CREM: variants seen among roughly 807,000 people sequenced by gnomAD.
The protein encoded by CREM is cAMP responsive element modulator.
CREM carries 13 observed loss-of-function variants against 37.3 expected under a neutral mutation model. That is an observed-to-expected ratio of 0.35 (90% CI 0.23 to 0.55). The LOEUF is 0.55. Ranked by LOEUF, CREM falls within the 20% of genes least tolerant of loss-of-function variation. The pLI is 0.88. For synonymous variants in CREM, 124 were observed against 120.2 expected (o/e 1.03, Z -0.21); for missense variants, 296 against 362.3 (o/e 0.82, Z 1.49).
At chr10:35,132,938 C>T (rs1316887581) in intron 1 of CREM, among the ~76,000 whole-genome samples, 1 of 152,206 alleles carries the variant, frequency 6.6e-6, no homozygotes, top group Non-Finnish European at 1.5e-5. Context: ...TACAGTTAAC[C>T]TATGGATATC....
rs546051669 is a variant in CREM, at chr10:35,173,038, A to G, written c.169-5851A>G. Among the ~76,000 whole-genome samples the G allele has an allele frequency of 6.6e-5, 10 of 152,324 alleles. No individual in the cohort carries two copies. The South Asian group carries it at 2.1e-3, about 32-fold the overall frequency. On this transcript the variant is annotated intron_variant, in intron 3 of 7. Coordinates refer to ENST00000685392, the MANE Select transcript of CREM (RefSeq NM_183011.2). ...ATCAAACTGGTTATACTTTAATGAA[A>G]TGTGATTTATAATACTGTGTCATGA...
chr10:35,179,248 C>T lies in CREM; in HGVS notation c.381C>T (p.Ser127=). Residue 127 remains serine, a synonymous_variant, in exon 5 of 8, where the codon AGC becomes AGT. Transcript: ENST00000685392. ...PSIATMAVPT[S]IYQTSTGQYI... is the part of the protein sequence containing the mutation. ...TTGCTACCATGGCAGTACCAACTAG[C>T]ATATATCAGACTAGCACGGGGCAAT... The T allele has an allele frequency of 6.2e-7, 1 of 1,614,036 alleles. No homozygotes were observed. Among genetic ancestry groups the T allele is most frequent in the Non-Finnish European group, 8.5e-7 (1 of 1,179,956 alleles).
chr10:35,146,279 G>T (rs975068783), intron 2 of CREM, among the ~76,000 whole-genome samples: 3 of 152,152 alleles, frequency 2.0e-5, no homozygotes, highest in Non-Finnish European at 4.4e-5. Flanking sequence ...AAATACTCCT[G>T]CTAGGGCATG....
intron 5 of CREM, 31 bp downstream of exon 5, chr10:35,179,307 T>A (rs1341566013): frequency 6.2e-7 from 1 of 1,604,802 alleles, no homozygotes; most frequent in Admixed American, 1.7e-5. Context: ...TATGATACAG[T>A]GCTAGCTTTA....
At position 35,178,889 on chromosome 10, in the gene CREM, G is replaced by A. The variant is rs1421971580; in HGVS notation, c.169G>A (p.Val57Ile). ...GQNSIPALAQ[V>I]AAIAETDESA... ...CATTTCAGAAAATCTTGTATTATAG[G>A]TAGCAGCAATTGCAGAGACAGATGA... Residue 57 changes from valine to isoleucine, a missense_variant and splice_region_variant, in exon 4 of 8, where the codon GTA becomes ATA. Around this residue, in one of 2 missense-constraint regions of CREM, gnomAD observed 257 missense variants for 280.2 expected, o/e 0.92. Transcript: ENST00000685392. 7.5e-6 allele frequency: 12 copies of A among 1,605,722 alleles called. No homozygotes were observed. Among genetic ancestry groups the A allele is most frequent in the Admixed American group, 3.4e-5 (2 of 58,456 alleles).
At chr10:35,149,938 A>ACACACACACACAC (rs796295851) in intron 3 of CREM, among the ~76,000 whole-genome samples, 2 of 145,436 alleles carry the variant, frequency 1.4e-5, no homozygotes, top group Admixed American at 6.9e-5. Flanking sequence ...ACACACACAC[A>ACACACACACACAC]CCCTTGTTAA....
chr10:35,204,470 C>T (rs968320020), intron 6 of CREM, among the ~76,000 whole-genome samples: 12 of 151,912 alleles, frequency 7.9e-5, no homozygotes, highest in African/African-American at 2.9e-4. Context: ...CATGATGGCG[C>T]GTGCCTGTAA....
At chr10:35,159,762 C>G (rs2093171423) in intron 3 of CREM, among the ~76,000 whole-genome samples, 1 of 152,120 alleles carries the variant, frequency 6.6e-6, no homozygotes, top group South Asian at 2.1e-4. Flanking sequence ...AGGAAACATT[C>G]CACAGGGTGA....
At chr10:35,138,146 G>A (rs774115087) in intron 2 of CREM, among the ~76,000 whole-genome samples, 2 of 152,204 alleles carry the variant, frequency 1.3e-5, no homozygotes, top group Admixed American at 6.5e-5. Context: ...TGAGGATGTC[G>A]ATAGTTAAGT....
intron 2 of CREM, among the ~76,000 whole-genome samples, chr10:35,143,249 G>A (rs1589364648): frequency 3.3e-5 from 5 of 152,180 alleles, no homozygotes; most frequent in Admixed American, 3.3e-4. Context: ...GATTACAGAC[G>A]TGAGCCACCG....
In CREM at chr10:35,207,034, G is replaced by A. The variant is rs2134600915; in HGVS notation, c.738G>A (p.Leu246=). The change falls in exon 7 of 8, where the codon CTG becomes CTA. Residue 246 remains leucine, a synonymous_variant. Transcript: ENST00000685392. ...LAEEATRKRE[L]RLMKNREAAR... is the part of the protein sequence containing the mutation. ...AAGAAGCAACACGCAAACGAGAGCT[G>A]AGGCTAATGAAAAACAGGTGAGGTG... The A allele has an allele frequency of 6.2e-7, 1 of 1,613,046 alleles. No homozygotes were observed. The highest frequency in any genetic ancestry group is 8.5e-7 in the Non-Finnish European group (1 of 1,179,558).
At chr10:35,176,093 G>A (rs1184604033) in intron 3 of CREM, 1 of 1,442,976 alleles carries the variant, frequency 6.9e-7, no homozygotes, top group East Asian at 2.5e-5. Context: ...TTTATGAAGT[G>A]CTTATACGCA....
At chr10:35,167,709 A>G in intron 3 of CREM, 1 of 1,612,530 alleles carries the variant, frequency 6.2e-7, no homozygotes, top group African/African-American at 1.3e-5. Context: ...TACTGTTTAT[A>G]GTGGGATTTT....
intron 3 of CREM, among the ~76,000 whole-genome samples, chr10:35,175,018 C>T (rs2093985688): frequency 6.6e-6 from 1 of 152,222 alleles, no homozygotes; most frequent in African/African-American, 2.4e-5. Flanking sequence ...TTGAAAGGTC[C>T]TGGAATTTCT....
chr10:35,149,947 A>T (rs937461341), intron 3 of CREM, among the ~76,000 whole-genome samples: 9 of 74,724 alleles, frequency 1.2e-4, no homozygotes, highest in African/African-American at 3.4e-4. Flanking sequence ...CACCCTTGTT[A>T]AAAAAAATGC....
At chr10:35,175,458 A>G (rs545543062) in intron 3 of CREM, 7 of 505,568 alleles carry the variant, frequency 1.4e-5, no homozygotes, top group African/African-American at 1.4e-4. Flanking sequence ...AAAAAAAAGA[A>G]CCATAGTTAA....
chr10:35,207,533 T>G, intron 7 of CREM, among the ~76,000 whole-genome samples: 1 of 152,154 alleles, frequency 6.6e-6, no homozygotes, highest in Non-Finnish European at 1.5e-5. Context: ...CCCAGCACTT[T>G]GGGAGGTCAA....
chr10:35,179,303 A>G (rs1298341980), intron 5 of CREM, 27 bp downstream of exon 5: 2 of 1,611,300 alleles, frequency 1.2e-6, no homozygotes, highest in Admixed American at 1.7e-5. Flanking sequence ...TCGATATGAT[A>G]CAGTGCTAGC....
chr10:35,176,047 T>G (rs1564884017), intron 3 of CREM: 2 of 1,518,482 alleles, frequency 1.3e-6, no homozygotes, highest in South Asian at 1.3e-5. Flanking sequence ...CTTGAGCCAT[T>G]TTTTTCCTCT....
Sources: gnomAD v4.1 joint callset for allele counts (sites outside exome capture counted in the v4.1 genomes callset) on GRCh38, gnomAD v4.1.1 for gene constraint, gnomAD v4.1.1 regional missense constraint, MANE v1.5 for transcripts, NCBI Gene and HGNC (gene_info 2026-07-23, HGNC 2026-07-21) for gene names.